The following PI4KA variants were observed in gnomAD, a reference collection of about 807,000 sequenced individuals.
PI4KA encodes phosphatidylinositol 4-kinase alpha.
Under a neutral mutation model 271.4 loss-of-function variants are expected in PI4KA, and 122 were observed. The ratio of observed to expected loss-of-function variants is 0.45; its 90% CI spans 0.39 to 0.52. PI4KA has a LOEUF of 0.52. PI4KA is among the 20% of genes least tolerant of loss of function. The pLI, the probability that PI4KA is intolerant of heterozygous loss-of-function variation, is 0.00. For synonymous variants in PI4KA, 1,041 were observed against 1,078.8 expected (o/e 0.96, Z 0.69); for missense variants, 1,969 against 2,769.1 (o/e 0.71, Z 6.48).
intron 3 of PI4KA, among the ~76,000 whole-genome samples, chr22:20,829,792 T>C (rs1347639399): frequency 6.6e-6 from 1 of 152,202 alleles, no homozygotes; most frequent in Non-Finnish European, 1.5e-5. Flanking sequence ...GCATTCATGC[T>C]ATAAACTTCC....
Position 20,803,202 on chromosome 22 carries a change from T to C in PI4KA, c.1580A>G (p.Gln527Arg). Residue 527 changes from glutamine (Q) to arginine (R), a missense_variant, in exon 13 of 55, where the codon CAG becomes CGG. Coordinates refer to ENST00000255882, the MANE Select transcript of PI4KA (RefSeq NM_058004.4). ...TAGTCTGTTATTACCTGTGTGGTAC[T>C]GACTGTGGTACTTGTAGAGCTTCAC... ...VLVKLYKYHS[Q>R]YHTVAGNDIK... 1 of 1,614,080 alleles carries C rather than the reference T, an allele frequency of 6.2e-7. No individual in the cohort carries two copies. Among genetic ancestry groups the C allele is most frequent in the Non-Finnish European group, 8.5e-7 (1 of 1,179,938 alleles).
chr22:20,746,284 G>A (rs184876791), intron 29 of PI4KA, among the ~76,000 whole-genome samples: 6 of 151,910 alleles, frequency 3.9e-5, no homozygotes, highest in African/African-American at 9.7e-5. Flanking sequence ...GGATGGTCTC[G>A]ATCCACTGAC....
chr22:20,792,724 A>G (rs964376441), intron 19 of PI4KA, among the ~76,000 whole-genome samples: 43 of 152,256 alleles, frequency 2.8e-4, no homozygotes, highest in African/African-American at 8.9e-4. Context: ...GGAGGCAGGG[A>G]CTGTGCCCGC....
At chr22:20,765,054 C>G in intron 21 of PI4KA, 46 bp downstream of exon 21, 1 of 1,591,016 alleles carries the variant, frequency 6.3e-7, no homozygotes, top group Non-Finnish European at 8.6e-7. Context: ...AAGATCTGCC[C>G]TAATTGGCAC....
intron 30 of PI4KA, 89 bp from the exon 31 acceptor site, chr22:20,742,853 C>T: frequency 7.9e-7 from 1 of 1,260,010 alleles, no homozygotes; most frequent in Non-Finnish European, 1.1e-6. Flanking sequence ...CTTGTGGTGG[C>T]ACTGGTGGGT....
At position 20,799,226 on chromosome 22, in the gene PI4KA, G is replaced by T; in HGVS notation, c.1871C>A (p.Ala624Glu). ...DHTIRALGHI[A>E]VALRDTPKVM... ...CTTCGGGGTGTCCCTCAAGGCCACCGCAATGTGTCCCAAGGCTCGGATTGT... is the reference window on the plus strand; with the variant it reads ...CTTCGGGGTGTCCCTCAAGGCCACCTCAATGTGTCCCAAGGCTCGGATTGT... Residue 624 changes from alanine to glutamate, a missense_variant, in exon 16 of 55, where the codon GCG becomes GAG. By Grantham distance (107) the Ala-to-Glu change is moderately radical. Transcript: ENST00000255882. 6.4e-7 allele frequency: 1 copy of T among 1,565,474 alleles called. No homozygotes were observed. The highest frequency in any genetic ancestry group is 8.7e-7 in the Non-Finnish European group (1 of 1,156,036).
intron 14 of PI4KA, among the ~76,000 whole-genome samples, chr22:20,800,691 T>C (rs1935244723): frequency 7.3e-6 from 1 of 137,672 alleles, no homozygotes; most frequent in African/African-American, 2.7e-5. Context: ...TGAAACCCCA[T>C]CTCTACTAAA....
intron 19 of PI4KA, among the ~76,000 whole-genome samples, chr22:20,772,140 A>AC (rs1932901171): frequency 6.6e-6 from 1 of 152,208 alleles, no homozygotes; most frequent in African/African-American, 2.4e-5. Flanking sequence ...TTTAATTTTC[A>AC]CAACAACCTC....
intron 3 of PI4KA, among the ~76,000 whole-genome samples, chr22:20,832,957 A>C (rs748623032): frequency 6.6e-6 from 1 of 152,210 alleles, no homozygotes; most frequent in Non-Finnish European, 1.5e-5. Context: ...AGCAGCAAGA[A>C]GACACTGGCT....
chr22:20,804,901 G>C (rs1332721627), intron 11 of PI4KA, 73 bp downstream of exon 11: 2 of 1,251,986 alleles, frequency 1.6e-6, no homozygotes, highest in Non-Finnish European at 2.3e-6. Context: ...GAAGTAGTTT[G>C]GGGAAACTTG....
intron 1 of PI4KA, among the ~76,000 whole-genome samples, chr22:20,851,193 A>G (rs201860258): frequency 1.1e-5 from 1 of 93,630 alleles, no homozygotes; most frequent in African/African-American, 5.3e-5. Flanking sequence ...GACCCTATCT[A>G]TTTTTTTTTT....
At chr22:20,826,173 T>A (rs1307308928) in intron 3 of PI4KA, among the ~76,000 whole-genome samples, 1 of 151,976 alleles carries the variant, frequency 6.6e-6, no homozygotes, top group Non-Finnish European at 1.5e-5. Flanking sequence ...CAAAACTCCA[T>A]CTCCACTATA....
chr22:20,720,282 C>CT (rs921785234), intron 43 of PI4KA, among the ~76,000 whole-genome samples: 46 of 151,892 alleles, frequency 3.0e-4, no homozygotes, highest in African/African-American at 9.7e-4. Context: ...TGCAATTAAC[C>CT]TTTTTTTTGG....
intron 1 of PI4KA, among the ~76,000 whole-genome samples, chr22:20,840,220 T>C (rs755923798): frequency 5.3e-5 from 8 of 152,224 alleles, no homozygotes; most frequent in Non-Finnish European, 1.2e-4. Context: ...CTTTTGATAA[T>C]GTGATCAGGG....
chr22:20,799,626 C>G (rs1431516495), intron 15 of PI4KA, 45 bp downstream of exon 15: 1 of 1,386,498 alleles, frequency 7.2e-7, no homozygotes, highest in African/African-American at 1.4e-5. Flanking sequence ...CACGAGCCTG[C>G]TGAGAACAAT....
chr22:20,751,544 G>A (rs545822453), intron 26 of PI4KA, 130 bp downstream of exon 26: 15 of 965,362 alleles, frequency 1.6e-5, no homozygotes, highest in Admixed American at 1.4e-4. Flanking sequence ...CCCCCAACTC[G>A]ACACCTGTAG....
chr22:20,774,775 A>G (rs915355799), intron 19 of PI4KA, among the ~76,000 whole-genome samples: 12 of 148,252 alleles, frequency 8.1e-5, no homozygotes, highest in African/African-American at 3.0e-4. Context: ...AAAAAAAAAA[A>G]GAAGAAAAAA....
intron 32 of PI4KA, among the ~76,000 whole-genome samples, chr22:20,738,727 C>A (rs1174609183): frequency 6.6e-6 from 1 of 152,066 alleles, no homozygotes; most frequent in African/African-American, 2.4e-5. Flanking sequence ...GCAGGAAGTG[C>A]AAGCTGGACT....
At chr22:20,845,284 G>C (rs77513091) in intron 1 of PI4KA, among the ~76,000 whole-genome samples, 2 of 152,120 alleles carry the variant, frequency 1.3e-5, no homozygotes, top group East Asian at 1.9e-4. Flanking sequence ...TGGATGACTG[G>C]GCAGAAAATT....
Sources: gnomAD v4.1 joint callset for allele counts (sites outside exome capture counted in the v4.1 genomes callset) on GRCh38, gnomAD v4.1.1 for gene constraint, MANE v1.5 for transcripts, NCBI Gene and HGNC (gene_info 2026-07-23, HGNC 2026-07-21) for gene names.